SLC9C1: variants seen among roughly 807,000 people sequenced by gnomAD.
SLC9C1 encodes the protein sodium/hydrogen exchanger 10.
Under a neutral mutation model 140.9 loss-of-function variants are expected in SLC9C1, and 97 were observed. The observed-to-expected ratio is 0.69, with a 90% confidence interval of 0.58 to 0.82. The LOEUF is 0.82. Among genes scored for constraint, SLC9C1 ranks in the 40% least tolerant of loss-of-function variants. The probability of loss-of-function intolerance (pLI) is 0.00; values close to 1 mark genes in which losing one functional copy is unlikely to be tolerated. For missense variants in SLC9C1, 1,340 were observed against 1,389.3 expected, an observed-to-expected ratio of 0.96 and a Z score of 0.56; for synonymous variants, 440 against 442.6, an observed-to-expected ratio of 0.99 and a Z score of 0.07.
chr3:112,201,118 C>T (rs762448880), intron 18 of SLC9C1, among the ~76,000 whole-genome samples: 1 of 151,868 alleles, frequency 6.6e-6, no homozygotes, highest in Non-Finnish European at 1.5e-5. Flanking sequence ...AAACATTAGC[C>T]CAACAGAAAA....
intron 20 of SLC9C1, among the ~76,000 whole-genome samples, chr3:112,191,319 G>C (rs2077657192): frequency 6.6e-6 from 1 of 152,108 alleles, no homozygotes; most frequent in Non-Finnish European, 1.5e-5. Context: ...GATGATGTGA[G>C]CAATGGGTTT....
chr3:112,216,938 A>G (rs2042270596), intron 15 of SLC9C1, among the ~76,000 whole-genome samples: 1 of 152,174 alleles, frequency 6.6e-6, no homozygotes, highest in South Asian at 2.1e-4. Flanking sequence ...CACAATAGCA[A>G]AGACTTGGAA....
intron 28 of SLC9C1, among the ~76,000 whole-genome samples, chr3:112,148,657 G>A (rs977809902): frequency 6.6e-6 from 1 of 152,144 alleles, no homozygotes; most frequent in African/African-American, 2.4e-5. Context: ...AATGTGTTTA[G>A]GTATATACTT....
chr3:112,150,817 TATAC>T (rs2074945293), intron 28 of SLC9C1, among the ~76,000 whole-genome samples: 1 of 41,482 alleles, frequency 2.4e-5, no homozygotes, highest in African/African-American at 1.2e-4. Context: ...TATAAATACA[TATAC>T]ATATATATAT....
intron 28 of SLC9C1, among the ~76,000 whole-genome samples, chr3:112,142,284 T>C (rs1296062297): frequency 6.6e-6 from 1 of 152,088 alleles, no homozygotes; most frequent in African/African-American, 2.4e-5. Flanking sequence ...ATGTTAATAA[T>C]TTTTTTTAAA....
intron 2 of SLC9C1, among the ~76,000 whole-genome samples, chr3:112,282,783 T>C (rs1450149002): frequency 6.6e-6 from 1 of 152,250 alleles, no homozygotes; most frequent in Non-Finnish European, 1.5e-5. Flanking sequence ...AGCTAATGTT[T>C]AGAAATATAG....
chr3:112,253,627 G>T (rs969723671), intron 10 of SLC9C1, among the ~76,000 whole-genome samples: 1 of 152,180 alleles, frequency 6.6e-6, no homozygotes, highest in African/African-American at 2.4e-5. Flanking sequence ...TCTACTGACT[G>T]CACACAATCT....
At chr3:112,218,547 G>T (rs2078452033) in intron 14 of SLC9C1, among the ~76,000 whole-genome samples, 1 of 152,004 alleles carries the variant, frequency 6.6e-6, no homozygotes, top group Non-Finnish European at 1.5e-5. Flanking sequence ...GGAAAATGTT[G>T]AATATGTATA....
chr3:112,288,327 A>G (rs909784172), intron 1 of SLC9C1, among the ~76,000 whole-genome samples: 5 of 152,182 alleles, frequency 3.3e-5, no homozygotes, highest in African/African-American at 1.2e-4. Context: ...TGGCTCTTAC[A>G]GGTTTTATTT....
intron 18 of SLC9C1, among the ~76,000 whole-genome samples, chr3:112,201,722 A>G (rs1273071573): frequency 6.6e-6 from 1 of 151,950 alleles, no homozygotes; most frequent in East Asian, 1.9e-4. Flanking sequence ...CCTTTTTCTC[A>G]TCTGCATAAT....
intron 18 of SLC9C1, 85 bp from the exon 19 acceptor site, chr3:112,200,847 C>T (rs1213802635): frequency 1.7e-6 from 2 of 1,206,388 alleles, no homozygotes; most frequent in East Asian, 2.4e-5. Context: ...GGATTTTTAA[C>T]CTAAGTTAAT....
intron 13 of SLC9C1, among the ~76,000 whole-genome samples, chr3:112,222,707 G>T (rs2078575282): frequency 6.6e-6 from 1 of 151,956 alleles, no homozygotes; most frequent in Admixed American, 6.6e-5. Flanking sequence ...GTGGGTTCTT[G>T]TACACCATAT....
chr3:112,141,147 A>G lies in SLC9C1; in HGVS notation c.*125T>C. ...GGTCCAAATTTCTTTTCTGCTTAGC[A>G]CCAAGATCATCCACACAGGATCCAA... On this transcript the variant is annotated 3_prime_UTR_variant, in exon 29 of 29. Coordinates refer to ENST00000305815, the MANE Select transcript of SLC9C1 (RefSeq NM_183061.3). The G allele has an allele frequency of 9.6e-7, 1 of 1,037,506 alleles. No individual in the cohort carries two copies. The highest frequency in any genetic ancestry group is 1.3e-6 in the Non-Finnish European group (1 of 763,494). 64.3% of individuals were successfully genotyped at this position (1,037,506 alleles called of 1,614,324 possible). A position where few individuals can be genotyped will look rare whatever the true frequency, so the allele number is the denominator to read the frequency against.
At chr3:112,180,248 G>A (rs1343644786) in intron 22 of SLC9C1, among the ~76,000 whole-genome samples, 7 of 152,184 alleles carry the variant, frequency 4.6e-5, no homozygotes, top group East Asian at 1.9e-4. Flanking sequence ...CTGGTCAGGC[G>A]CAGTGGCTCA....
chr3:112,168,863 C>A lies in SLC9C1; in HGVS notation c.3237+14G>T, dbSNP rs763233742. ...GGCATATTGATCTGAAGACAGGAAT[C>A]AATATTTCTTTACCTGATGGCATGT... On this transcript the variant is annotated intron_variant, in intron 25 of 28. Coordinates refer to ENST00000305815, the MANE Select transcript of SLC9C1 (RefSeq NM_183061.3). The A allele has an allele frequency of 6.4e-7, 1 of 1,560,374 alleles. No individual in the cohort carries two copies. Among genetic ancestry groups the A allele is most frequent in the South Asian group, 1.2e-5 (1 of 80,108 alleles).
chr3:112,268,960 T>C (rs2079996162), intron 7 of SLC9C1, among the ~76,000 whole-genome samples: 1 of 152,204 alleles, frequency 6.6e-6, no homozygotes, highest in African/African-American at 2.4e-5. Context: ...ATAGCTACCA[T>C]ATTTTTGTGA....
chr3:112,245,664 G>T (rs138976305), intron 10 of SLC9C1, among the ~76,000 whole-genome samples: 1 of 151,564 alleles, frequency 6.6e-6, no homozygotes, highest in African/African-American at 2.4e-5. Context: ...CTTAAATTTC[G>T]TTCTTCCTTT....
chr3:112,187,046 C>T (rs1576298880), intron 20 of SLC9C1, among the ~76,000 whole-genome samples: 1 of 152,128 alleles, frequency 6.6e-6, no homozygotes, highest in East Asian at 1.9e-4. Flanking sequence ...AGGTTTTTTA[C>T]ACACATCTCT....
At chr3:112,287,968 G>C (rs1482568954) in intron 1 of SLC9C1, among the ~76,000 whole-genome samples, 1 of 151,114 alleles carries the variant, frequency 6.6e-6, no homozygotes, top group South Asian at 2.1e-4. Context: ...GCGTGAACCG[G>C]GGAGGCGGAG....
Sources: gnomAD v4.1 joint callset for allele counts (sites outside exome capture counted in the v4.1 genomes callset) on GRCh38, gnomAD v4.1.1 for gene constraint, MANE v1.5 for transcripts, NCBI Gene and HGNC (gene_info 2026-07-23, HGNC 2026-07-21) for gene names.